The following MTMR3 variants were observed in gnomAD, a reference collection of about 807,000 sequenced individuals.
The protein encoded by MTMR3 is myotubularin related protein 3.
In MTMR3, 32 loss-of-function variants were observed where a neutral mutation model predicts 132.4. The observed-to-expected ratio is 0.24, with a 90% CI of 0.18 to 0.32. The LOEUF is 0.32. Ranked by LOEUF, MTMR3 falls within the 10% of genes least tolerant of loss-of-function variation. The pLI is 1.00. For missense variants in MTMR3, 1,216 were observed against 1,489.6 expected (o/e 0.82, Z 3.02); for synonymous variants, 556 against 550.3 (o/e 1.01, Z -0.14).
intron 13 of MTMR3, chr22:30,012,955 T>A: frequency 5.2e-6 from 1 of 191,952 alleles, no homozygotes; most frequent in Non-Finnish European, 1.1e-5. Context: ...AGAAAAATCA[T>A]AAAGTACCCT....
At position 30,012,562 on chromosome 22, in the gene MTMR3, A is replaced by G. The variant is rs765960276; in HGVS notation, c.1316A>G (p.Glu439Gly). 2 of 1,597,228 alleles carry G rather than the reference A, an allele frequency of 1.3e-6. No homozygotes were observed. The highest frequency in any genetic ancestry group is 1.7e-6 in the Non-Finnish European group (2 of 1,171,344). The change falls in exon 13 of 20, where the codon GAG (glutamate) becomes GGG (glycine). Residue 439 changes from glutamate to glycine, a missense_variant and splice_region_variant. Physicochemically the swap from Glu to Gly is moderately conservative, Grantham distance 98. This residue lies in a region of MTMR3 where 106 missense variants were observed against 209.5 expected (regional missense o/e 0.51). Coordinates refer to ENST00000401950, the MANE Select transcript of MTMR3 (RefSeq NM_021090.4). ...CTGGACCCTTATTACCGAACCATAG[A>G]GGTGAGCCCATCCAAATGGGAGGGG... ...LLLDPYYRTI[E>G]GFQVLVEMEW...
Position 30,009,139 on chromosome 22 carries a change from T to C in MTMR3, c.1121+10T>C. On this transcript the variant is annotated intron_variant, in intron 12 of 19. Transcript: ENST00000401950. Reference sequence around the variant, plus strand: ...TGCCAGATCCGGGAAAGTAAGTCCTTGGCCTTGGCTTTCATTTTGCATTGC... The same window carrying C: ...TGCCAGATCCGGGAAAGTAAGTCCTCGGCCTTGGCTTTCATTTTGCATTGC... 2 of 1,564,778 alleles carry C rather than the reference T, an allele frequency of 1.3e-6. No individual in the cohort carries two copies. Among genetic ancestry groups the C allele is most frequent in the Non-Finnish European group, 1.8e-6 (2 of 1,135,400 alleles).
intron 16 of MTMR3, 170 bp from the exon 17 acceptor site, chr22:30,019,309 TC>T (rs2067686292): frequency 6.3e-6 from 4 of 637,950 alleles, no homozygotes; most frequent in Non-Finnish European, 1.1e-5. Flanking sequence ...GAGGACTTGT[TC>T]CGGAGCTTTG....
chr22:29,895,994 T>C (rs1202659382), intron 1 of MTMR3, among the ~76,000 whole-genome samples: 3 of 152,188 alleles, frequency 2.0e-5, no homozygotes, highest in South Asian at 2.1e-4. Context: ...GGTCAGCTCA[T>C]GAGGCACCCA....
chr22:29,926,631 G>T (rs1486814167), intron 1 of MTMR3, among the ~76,000 whole-genome samples: 1 of 152,084 alleles, frequency 6.6e-6, no homozygotes, highest in African/African-American at 2.4e-5. Context: ...GTAATTCCTT[G>T]ATGCCTAATG....
At chr22:29,903,774 G>A (rs1222545446) in intron 1 of MTMR3, among the ~76,000 whole-genome samples, 1 of 152,086 alleles carries the variant, frequency 6.6e-6, no homozygotes, top group African/African-American at 2.4e-5. Flanking sequence ...GTGTACAGAG[G>A]TACTAGAACT....
rs138955990 is a variant in MTMR3 at position 29,936,152 on chromosome 22, C to T, written c.-137-20884C>T. ...TCATCTCTTTCTATTCTGTAGCCTA[C>T]AATCGTAATGTAGACCAAGATTAGG... On this transcript the variant is annotated intron_variant, in intron 1 of 19. Coordinates refer to ENST00000401950, the MANE Select transcript of MTMR3 (RefSeq NM_021090.4). Among the ~76,000 whole-genome samples, 92 of 152,288 alleles carry T rather than the reference C, an allele frequency of 6.0e-4. No individual in the cohort carries two copies. The East Asian group carries it at 0.017, about 29-fold the overall frequency.
chr22:29,967,243 G>GCGCA (rs1368704620), intron 2 of MTMR3, among the ~76,000 whole-genome samples: 1 of 149,756 alleles, frequency 6.7e-6, no homozygotes, highest in African/African-American at 2.5e-5. Flanking sequence ...GCATGCGCGC[G>GCGCA]CGCGCGCATG....
At chr22:29,948,238 G>A (rs2145825619) in intron 1 of MTMR3, among the ~76,000 whole-genome samples, 1 of 152,284 alleles carries the variant, frequency 6.6e-6, no homozygotes, top group East Asian at 1.9e-4. Flanking sequence ...TGAGTTGTAT[G>A]CTTAAAGAAT....
At chr22:29,926,093 C>A (rs73162743) in intron 1 of MTMR3, among the ~76,000 whole-genome samples, 9,924 of 152,188 alleles carry the variant, frequency 0.065, 393 homozygotes, top group Middle Eastern at 0.1. Flanking sequence ...TTGATTTTCT[C>A]TTTCAATGCA....
At chr22:30,016,367 G>A (rs2067591951) in intron 14 of MTMR3, 161 bp from the exon 15 acceptor site, 1 of 685,306 alleles carries the variant, frequency 1.5e-6, no homozygotes, top group African/African-American at 1.8e-5. Flanking sequence ...AATTGGTGGT[G>A]TGAGGAGGAG....
intron 1 of MTMR3, among the ~76,000 whole-genome samples, chr22:29,884,106 A>G (rs1163587557): frequency 2.6e-5 from 4 of 152,196 alleles, no homozygotes; most frequent in Non-Finnish European, 5.9e-5. Flanking sequence ...TGGCCACATT[A>G]ATAGACTCCC....
intron 3 of MTMR3, among the ~76,000 whole-genome samples, chr22:29,972,645 A>T (rs559238780): frequency 2.0e-5 from 3 of 152,222 alleles, no homozygotes; most frequent in South Asian, 2.1e-4. Flanking sequence ...ATCTCGGCTC[A>T]CTGCAACCTC....
rs1250323075 is a variant in MTMR3 at position 29,884,254 on chromosome 22, C to CCAAA, written c.-138+904_-138+907dup. Among the ~76,000 whole-genome samples the CCAAA allele has an allele frequency of 4.1e-5, 6 of 147,876 alleles. 1 individual carries two copies. The Middle Eastern group carries it at 0.011, about 266-fold the overall frequency. Reference sequence around the variant, plus strand: ...ATTCTGACATCTATTTTTCCACAACCCAAACAAACAAAACAAAACAAAACA... The same window carrying CCAAA: ...ATTCTGACATCTATTTTTCCACAACCCAAACAAACAAACAAAACAAAACAAAACA... On this transcript the variant is annotated intron_variant, in intron 1 of 19. Coordinates refer to ENST00000401950, the MANE Select transcript of MTMR3 (RefSeq NM_021090.4).
chr22:29,973,238 G>T (rs1373386071), intron 3 of MTMR3, among the ~76,000 whole-genome samples: 1 of 152,186 alleles, frequency 6.6e-6, no homozygotes, highest in East Asian at 1.9e-4. Flanking sequence ...AACGAGATTG[G>T]AGTCTGTCTT....
chr22:29,968,257 T>G (rs1321118768), intron 2 of MTMR3, among the ~76,000 whole-genome samples: 1 of 152,190 alleles, frequency 6.6e-6, no homozygotes, highest in East Asian at 1.9e-4. Flanking sequence ...ATTAGTATCT[T>G]CCTCACTGGA....
chr22:29,928,155 A>G lies in MTMR3; in HGVS notation c.-137-28881A>G, dbSNP rs536315494. On this transcript the variant is annotated intron_variant, in intron 1 of 19. Transcript: ENST00000401950. The stretch of plus-strand genomic sequence containing the variant: ...TTTCTCATCGTCTGTACGGGTAATC[A>G]CTACATTTTTTTTTTCTTTTTTTTT... Among the ~76,000 whole-genome samples the G allele has an allele frequency of 8.2e-4, 115 of 140,036 alleles. 1 individual carries two copies. The highest frequency in any genetic ancestry group is 2.8e-3 in the African/African-American group (104 of 37,518). The allele number at this position is 140,036 out of a possible 152,430, so 91.9% of individuals were successfully genotyped here.
chr22:29,984,817 G>A (rs989620905), intron 5 of MTMR3: 7 of 152,222 alleles, frequency 4.6e-5, no homozygotes, highest in Non-Finnish European at 1.0e-4. Context: ...TGGTGGAGAA[G>A]CTACTTATTT....
At chr22:29,921,496 T>C (rs964272909) in intron 1 of MTMR3, among the ~76,000 whole-genome samples, 2 of 151,376 alleles carry the variant, frequency 1.3e-5, no homozygotes, top group African/African-American at 4.8e-5. Context: ...TAGGATCTTA[T>C]TACTTTTTAA....
Sources: gnomAD v4.1 joint callset for allele counts (sites outside exome capture counted in the v4.1 genomes callset) on GRCh38, gnomAD v4.1.1 for gene constraint, gnomAD v4.1.1 regional missense constraint, MANE v1.5 for transcripts, NCBI Gene and HGNC (gene_info 2026-07-23, HGNC 2026-07-21) for gene names.